PLVAP: variants seen among roughly 807,000 people sequenced by gnomAD.
PLVAP encodes the protein plasmalemma vesicle-associated protein.
In PLVAP, 34 loss-of-function variants were observed where a neutral mutation model predicts 43.1. That is an observed-to-expected ratio of 0.79 (90% CI 0.60 to 1.05). The LOEUF is 1.05. PLVAP is among the 50% of genes least tolerant of loss of function. The pLI is 0.00. For synonymous variants in PLVAP, 241 were observed against 237.3 expected (o/e 1.02, Z -0.14); for missense variants, 574 against 593.4 (o/e 0.97, Z 0.34).
chr19:17,370,948 C>T (rs897887273), intron 1 of PLVAP, among the ~76,000 whole-genome samples: 18 of 151,048 alleles, frequency 1.2e-4, no homozygotes, highest in African/African-American at 1.5e-4. Context: ...CCCAGCTACT[C>T]GGGAGGCTGA....
intron 5 of PLVAP, among the ~76,000 whole-genome samples, chr19:17,359,965 T>A (rs1420609538): frequency 6.6e-6 from 1 of 152,130 alleles, no homozygotes; most frequent in Non-Finnish European, 1.5e-5. Context: ...CCTCCAGGCC[T>A]TTGGCCTGGC....
intron 1 of PLVAP, among the ~76,000 whole-genome samples, chr19:17,370,001 TAAAAAA>T (rs763532839): frequency 0.27 from 23,506 of 88,268 alleles, 2,413 homozygotes; most frequent in East Asian, 0.37. Context: ...AGAGTCTGTC[TAAAAAA>T]AAAAAAAAAA....
intron 3 of PLVAP, 77 bp downstream of exon 3, chr19:17,365,209 A>G: frequency 7.2e-7 from 1 of 1,386,758 alleles, no homozygotes; most frequent in Non-Finnish European, 9.8e-7. Flanking sequence ...AGCCAACTCC[A>G]AGTTCAAATC....
chr19:17,371,193 G>A (rs546154543), intron 1 of PLVAP, among the ~76,000 whole-genome samples: 1 of 151,042 alleles, frequency 6.6e-6, no homozygotes, highest in African/African-American at 2.4e-5. Context: ...ATGGAGTCTC[G>A]CTCTGTGGCC....
chr19:17,377,284 C>A lies in PLVAP; in HGVS notation c.5G>T (p.Gly2Val). M[G>V]LAMEHGGSYA... Reference sequence around the variant, plus strand: ...GGACCCTCCGTGCTCCATGGCCAGACCCATTTGCTCGATCCCGCCGTCCGG... The same window carrying A: ...GGACCCTCCGTGCTCCATGGCCAGAACCATTTGCTCGATCCCGCCGTCCGG... Residue 2 changes from glycine to valine, a missense_variant, in exon 1 of 6, where the codon GGT (glycine) becomes GTT (valine). Coordinates refer to ENST00000252590, the MANE Select transcript of PLVAP (RefSeq NM_031310.3). 6.2e-7 allele frequency: 1 copy of A among 1,608,294 alleles called. No homozygotes were observed. The highest frequency in any genetic ancestry group is 8.5e-7 in the Non-Finnish European group (1 of 1,176,748).
intron 3 of PLVAP, among the ~76,000 whole-genome samples, chr19:17,361,619 G>A (rs1311301269): frequency 6.6e-6 from 1 of 152,102 alleles, no homozygotes; most frequent in Non-Finnish European, 1.5e-5. Context: ...AGCCAATTCT[G>A]AACTCAATCA....
rs774214842 is a variant in PLVAP at position 17,365,826 on chromosome 19, C to A, written c.639G>T (p.Leu213=). The change falls in exon 3 of 6, where the codon CTG becomes CTT. Residue 213 remains leucine (L), a synonymous_variant. Transcript: ENST00000252590. ...GCACCTTTTGCAGTTGCTCCTTGGC[C>A]AGCTGGCGCTCTTGGTGCTGCAGCT... The part of the protein sequence containing the change: ...TRELQHQERQ[L]AKEQLQKVQA... 1 of 1,614,186 alleles carries A rather than the reference C, an allele frequency of 6.2e-7. No homozygotes were observed. Among genetic ancestry groups the A allele is most frequent in the Non-Finnish European group, 8.5e-7 (1 of 1,180,042 alleles).
At chr19:17,373,189 G>A (rs999289316) in intron 1 of PLVAP, among the ~76,000 whole-genome samples, 1 of 151,460 alleles carries the variant, frequency 6.6e-6, no homozygotes, top group African/African-American at 2.4e-5. Flanking sequence ...CTATTGGGAG[G>A]GTCTGAGGGA....
intron 5 of PLVAP, among the ~76,000 whole-genome samples, chr19:17,358,877 G>T (rs912701647): frequency 6.6e-6 from 1 of 151,680 alleles, no homozygotes; most frequent in Non-Finnish European, 1.5e-5. Flanking sequence ...TTGGCTCTCT[G>T]CAGCCTCCAC....
rs568390846 is a variant in PLVAP at position 17,372,630 on chromosome 19, G to A, written c.369+4290C>T. 1.4e-4 allele frequency among the ~76,000 whole-genome samples: 21 copies of A among 149,056 alleles called. 1 individual carries two copies. The South Asian group carries it at 3.6e-3, about 26-fold the overall frequency. On this transcript the variant is annotated intron_variant, in intron 1 of 5. Coordinates refer to ENST00000252590, the MANE Select transcript of PLVAP (RefSeq NM_031310.3). ...CACCACCACACCTGGCTAATTTTTCGTATTTTTAGTAGAGACGGGGTTTCA... is the reference window on the plus strand; with the variant it reads ...CACCACCACACCTGGCTAATTTTTCATATTTTTAGTAGAGACGGGGTTTCA...
Position 17,377,329 on chromosome 19 carries a change from A to G in PLVAP, c.-41T>C. 1 of 1,512,852 alleles carries G rather than the reference A, an allele frequency of 6.6e-7. No homozygotes were observed. The highest frequency in any genetic ancestry group is 1.2e-5 in the South Asian group (1 of 84,530). The allele number at this position is 1,512,852 out of a possible 1,614,324, so 93.7% of individuals were successfully genotyped here. ...GTCCGGTGCACCGTCCCTGCTCACC[A>G]CCAGGCCTGCTCTGGCCCCCGCCTC... On this transcript the variant is annotated 5_prime_UTR_variant, in exon 1 of 6. Coordinates refer to ENST00000252590, the MANE Select transcript of PLVAP (RefSeq NM_031310.3).
chr19:17,352,264 G>C lies in PLVAP; in HGVS notation c.*98C>G. On this transcript the variant is annotated 3_prime_UTR_variant, in exon 6 of 6. Coordinates refer to ENST00000252590, the MANE Select transcript of PLVAP (RefSeq NM_031310.3). ...ATGGTGGCCCTGGGTGGTTGGGGGC[G>C]GCGGGAGGGGGTTGTGTCGGGCGCT... The C allele has an allele frequency of 6.6e-7, 1 of 1,520,074 alleles. No individual in the cohort carries two copies. Among genetic ancestry groups the C allele is most frequent in the South Asian group, 1.1e-5 (1 of 88,680 alleles). 94.2% of individuals were successfully genotyped at this position (1,520,074 alleles called of 1,614,324 possible).
At chr19:17,359,906 A>C (rs1434000688) in intron 5 of PLVAP, among the ~76,000 whole-genome samples, 2 of 150,430 alleles carry the variant, frequency 1.3e-5, no homozygotes, top group African/African-American at 4.9e-5. Flanking sequence ...CCTGGATGCC[A>C]CTCCCCCTTC....
chr19:17,356,449 C>T (rs1196272731), intron 5 of PLVAP, among the ~76,000 whole-genome samples: 1 of 152,166 alleles, frequency 6.6e-6, no homozygotes, highest in East Asian at 1.9e-4. Flanking sequence ...AAGTTAATAC[C>T]AGCTAAGGCT....
In PLVAP at chr19:17,365,769, C is replaced by T; in HGVS notation, c.696G>A (p.Lys232=). 1 of 1,614,164 alleles carries T rather than the reference C, an allele frequency of 6.2e-7. No individual in the cohort carries two copies. ...ACAGGTTACGAAGGTCCATCTCAAACTTGTCCTTGTCCAGGGGCAGGCAGA... is the reference window on the plus strand; with the variant it reads ...ACAGGTTACGAAGGTCCATCTCAAATTTGTCCTTGTCCAGGGGCAGGCAGA... The part of the protein sequence containing the change: ...QALCLPLDKD[K]FEMDLRNLWR... Residue 232 remains lysine (K), a synonymous_variant, in exon 3 of 6, where the codon AAG becomes AAA. Coordinates refer to ENST00000252590, the MANE Select transcript of PLVAP (RefSeq NM_031310.3).
intron 1 of PLVAP, among the ~76,000 whole-genome samples, chr19:17,370,893 A>G (rs1432924001): frequency 2.0e-5 from 3 of 151,732 alleles, no homozygotes; most frequent in Non-Finnish European, 4.4e-5. Flanking sequence ...CATCTCTACT[A>G]AAAATACAAA....
intron 1 of PLVAP, among the ~76,000 whole-genome samples, chr19:17,375,134 T>G (rs759878593): frequency 4.6e-5 from 7 of 152,114 alleles, no homozygotes; most frequent in Middle Eastern, 3.2e-3. Flanking sequence ...ATTTTTGTAC[T>G]TTTTGTACAG....
At chr19:17,355,258 TAATAA>T (rs1339082958) in intron 5 of PLVAP, among the ~76,000 whole-genome samples, 2 of 142,010 alleles carry the variant, frequency 1.4e-5, no homozygotes, top group African/African-American at 5.4e-5. Flanking sequence ...ATAATAATAA[TAATAA>T]AATAAATAAT....
At chr19:17,354,030 C>T (rs1242837446) in intron 5 of PLVAP, among the ~76,000 whole-genome samples, 1 of 152,186 alleles carries the variant, frequency 6.6e-6, no homozygotes, top group Non-Finnish European at 1.5e-5. Context: ...TGGCTCATGC[C>T]TGTAATCCCA....
Sources: gnomAD v4.1 joint callset for allele counts (sites outside exome capture counted in the v4.1 genomes callset) on GRCh38, gnomAD v4.1.1 for gene constraint, MANE v1.5 for transcripts, NCBI Gene and HGNC (gene_info 2026-07-23, HGNC 2026-07-21) for gene names.